Variants in CGNL1 observed in about 807,000 individuals in gnomAD.
The protein encoded by CGNL1 is cingulin like 1, also known as cingulin-like protein 1.
A neutral mutation model predicts 141.2 loss-of-function variants in CGNL1; 132 were observed. The observed-to-expected ratio is 0.93, with a 90% CI of 0.81 to 1.08. CGNL1 has a LOEUF of 1.08. CGNL1 is among the 50% of genes least tolerant of loss of function. The pLI is 0.00. For synonymous variants in CGNL1, 690 were observed against 622.1 expected (o/e 1.11, Z -1.63); for missense variants, 1,870 against 1,588.6 (o/e 1.18, Z -3.01).
Position 57,438,716 on chromosome 15 carries a change from C to G in CGNL1, c.717C>G (p.Ser239Arg). The change falls in exon 2 of 19, where the codon AGC (serine) becomes AGG (arginine). Residue 239 changes from serine (S) to arginine (R), a missense_variant. Ser to Arg is a moderately radical substitution (Grantham distance 110). Coordinates refer to ENST00000281282, the MANE Select transcript of CGNL1 (RefSeq NM_032866.5). The part of the protein sequence containing the change: ...KQTSVCVNVQ[S>R]CTKERVGEEA... The stretch of plus-strand genomic sequence containing the variant: ...CCTCAGTGTGTGTAAACGTTCAGAG[C>G]TGCACCAAGGAGAGGGTGGGAGAGG... 1.9e-6 allele frequency: 3 copies of G among 1,614,158 alleles called. No homozygotes were observed. Among genetic ancestry groups the G allele is most frequent in the Non-Finnish European group, 2.5e-6 (3 of 1,180,036 alleles).
Position 57,547,568 on chromosome 15 carries a change from G to T in CGNL1, c.*78G>T. 1 of 1,512,154 alleles carries T rather than the reference G, an allele frequency of 6.6e-7. No homozygotes were observed. The highest frequency in any genetic ancestry group is 9.0e-7 in the Non-Finnish European group (1 of 1,109,812). 93.7% of individuals were successfully genotyped at this position (1,512,154 alleles called of 1,614,324 possible). On this transcript the variant is annotated 3_prime_UTR_variant, in exon 19 of 19. Transcript: ENST00000281282. ...CCCAAAGTGGGAGGCAGGGAGGGGA[G>T]CATCTGTCTGCCACTGAGACCAATC...
Position 57,438,917 on chromosome 15 carries a change from C to T in CGNL1, c.918C>T (p.Ala306=), listed in dbSNP as rs1310312156. 6.2e-7 allele frequency: 1 copy of T among 1,614,076 alleles called. No homozygotes were observed. Among genetic ancestry groups the T allele is most frequent in the Non-Finnish European group, 8.5e-7 (1 of 1,180,050 alleles). ...SSSSSTTPTS[A]NSLYRFLLDD... ...CGTCATCCACAACTCCCACGTCAGC[C>T]AACTCTTTGTACAGGTTTTTACTGG... Residue 306 remains alanine, a synonymous_variant, in exon 2 of 19, where the codon GCC becomes GCT. Transcript: ENST00000281282.
chr15:57,435,118 G>A (rs773759118), intron 1 of CGNL1, among the ~76,000 whole-genome samples: 3 of 152,116 alleles, frequency 2.0e-5, no homozygotes, highest in Non-Finnish European at 2.9e-5. Context: ...TAGGTGTATA[G>A]AAAAGACAAG....
intron 8 of CGNL1, among the ~76,000 whole-genome samples, chr15:57,470,997 C>T (rs763972959): frequency 7.9e-5 from 12 of 152,146 alleles, no homozygotes; most frequent in South Asian, 6.2e-4. Flanking sequence ...TGGTGTACCT[C>T]GAACTTGCTG....
chr15:57,474,279 A>C (rs2063623084), intron 8 of CGNL1, among the ~76,000 whole-genome samples: 1 of 152,086 alleles, frequency 6.6e-6, no homozygotes, highest in Non-Finnish European at 1.5e-5. Context: ...TTAGGCTGCT[A>C]AGTTTTGGGA....
chr15:57,378,288 A>AATTTC (rs2062386438), intron 1 of CGNL1, among the ~76,000 whole-genome samples: 1 of 150,484 alleles, frequency 6.6e-6, no homozygotes, highest in African/African-American at 2.4e-5. Flanking sequence ...TTTGCATTAA[A>AATTTC]ATTTCCACCC....
At chr15:57,472,086 A>T (rs2063589124) in intron 8 of CGNL1, among the ~76,000 whole-genome samples, 2 of 152,212 alleles carry the variant, frequency 1.3e-5, no homozygotes, top group Non-Finnish European at 2.9e-5. Context: ...AAAAGAAAAA[A>T]ATATATACAT....
At chr15:57,494,634 A>C (rs2063911791) in intron 8 of CGNL1, among the ~76,000 whole-genome samples, 1 of 152,162 alleles carries the variant, frequency 6.6e-6, no homozygotes, top group South Asian at 2.1e-4. Flanking sequence ...TTGGGGCTAA[A>C]TGGTCCCGAT....
chr15:57,516,178 A>AG (rs1259312297), intron 8 of CGNL1, among the ~76,000 whole-genome samples: 4 of 148,576 alleles, frequency 2.7e-5, no homozygotes, highest in African/African-American at 9.9e-5. Flanking sequence ...AAAAAAAAAA[A>AG]AAAGAAAGAA....
intron 8 of CGNL1, among the ~76,000 whole-genome samples, chr15:57,515,558 T>C (rs529011257): frequency 2.0e-5 from 3 of 152,298 alleles, no homozygotes; most frequent in East Asian, 3.9e-4. Flanking sequence ...TTTGCTGATA[T>C]TGGCATCTTT....
At position 57,528,786 on chromosome 15, in the gene CGNL1, G is replaced by A; in HGVS notation, c.3172G>A (p.Asp1058Asn). The change falls in exon 13 of 19, where the codon GAC becomes AAC. Residue 1058 changes from aspartate to asparagine, a missense_variant. Transcript: ENST00000281282. ...ELEAKSHLKD[D>N]RSRLVKQMED... ...GGAAGCCAAGAGTCACCTCAAAGATGACCGCAGCAGGCTGGTCAAGCAGAT... is the reference window on the plus strand; with the variant it reads ...GGAAGCCAAGAGTCACCTCAAAGATAACCGCAGCAGGCTGGTCAAGCAGAT... 3.1e-6 allele frequency: 5 copies of A among 1,614,032 alleles called. No homozygotes were observed. Among genetic ancestry groups the A allele is most frequent in the Non-Finnish European group, 1.7e-6 (2 of 1,180,018 alleles).
intron 1 of CGNL1, among the ~76,000 whole-genome samples, chr15:57,427,318 G>T (rs747528555): frequency 4.1e-4 from 63 of 152,314 alleles, no homozygotes; most frequent in Non-Finnish European, 7.8e-4. Context: ...TATCTTCCAT[G>T]TTTTTAATAG....
intron 1 of CGNL1, among the ~76,000 whole-genome samples, chr15:57,405,344 C>CTT (rs2152259174): frequency 6.6e-6 from 1 of 152,290 alleles, no homozygotes; most frequent in South Asian, 2.1e-4. Flanking sequence ...CACTCTGACT[C>CTT]GGGTGTCTGA....
intron 5 of CGNL1, 142 bp downstream of exon 5, chr15:57,451,743 C>T: frequency 1.6e-6 from 1 of 633,320 alleles, no homozygotes; most frequent in South Asian, 2.2e-5. Flanking sequence ...GAATAAATTC[C>T]TGTGTATTTG....
At chr15:57,403,350 G>A (rs1188356587) in intron 1 of CGNL1, among the ~76,000 whole-genome samples, 1 of 152,204 alleles carries the variant, frequency 6.6e-6, no homozygotes, top group East Asian at 1.9e-4. Flanking sequence ...GCAAGCATGG[G>A]AGTGTGTTTA....
rs766427905 is a variant in CGNL1, at chr15:57,439,597, C to G, written c.1598C>G (p.Thr533Ser). 6.2e-7 allele frequency: 1 copy of G among 1,612,918 alleles called. No homozygotes were observed. The change falls in exon 2 of 19, where the codon ACT becomes AGT. Residue 533 changes from threonine to serine, a missense_variant. Physicochemically the swap from Thr to Ser is moderately conservative, Grantham distance 58. Coordinates refer to ENST00000281282, the MANE Select transcript of CGNL1 (RefSeq NM_032866.5). ...SVKTFPSASN[T>S]QATPDLLKGQ... ...AAGACATTTCCTTCGGCCTCAAATA[C>G]TCAGGTAACACTAGTGCGATTCCTG...
chr15:57,545,664 T>A lies in CGNL1; in HGVS notation c.3573T>A (p.Asp1191Glu). The A allele has an allele frequency of 6.2e-7, 1 of 1,613,580 alleles. No homozygotes were observed. The highest frequency in any genetic ancestry group is 8.5e-7 in the Non-Finnish European group (1 of 1,179,844). Residue 1191 changes from aspartate (D) to glutamate (E), a missense_variant, in exon 17 of 19, where the codon GAT becomes GAA. By Grantham distance (45) the Asp-to-Glu change is conservative. Transcript: ENST00000281282. Reference sequence around the variant, plus strand: ...TGAAGGAGCTGGTGATGCAGGTGGATGATGAGCACCTGTCATTGACTGATC... The same window carrying A: ...TGAAGGAGCTGGTGATGCAGGTGGAAGATGAGCACCTGTCATTGACTGATC... ...RKVKELVMQV[D>E]DEHLSLTDQK...
chr15:57,539,223 T>G (rs2140221086), intron 14 of CGNL1, among the ~76,000 whole-genome samples: 1 of 152,266 alleles, frequency 6.6e-6, no homozygotes, highest in East Asian at 1.9e-4. Flanking sequence ...TTTTTCTTTA[T>G]CCCTTCACTT....
chr15:57,395,093 A>G (rs1213340569), intron 1 of CGNL1, among the ~76,000 whole-genome samples: 1 of 152,264 alleles, frequency 6.6e-6, no homozygotes, highest in Non-Finnish European at 1.5e-5. Context: ...CCTGGATGAC[A>G]GAGTGAGACT....
Sources: gnomAD v4.1 joint callset for allele counts (sites outside exome capture counted in the v4.1 genomes callset) on GRCh38, gnomAD v4.1.1 for gene constraint, MANE v1.5 for transcripts, NCBI Gene and HGNC (gene_info 2026-07-23, HGNC 2026-07-21) for gene names.